The following MAP7 variants were observed in gnomAD, a reference collection of about 807,000 sequenced individuals.
MAP7 encodes the protein ensconsin.
Under a neutral mutation model 94.8 loss-of-function variants are expected in MAP7, and 52 were observed. The observed-to-expected ratio is 0.55, with a 90% CI of 0.44 to 0.69. The LOEUF is 0.69. Among genes scored for constraint, MAP7 ranks in the 30% least tolerant of loss-of-function variants. The pLI is 0.00. For missense variants in MAP7, 940 were observed against 964.6 expected (o/e 0.97, Z 0.34); for synonymous variants, 350 against 357.0 (o/e 0.98, Z 0.22).
At chr6:136,357,553 G>A (rs1049358325) in intron 15 of MAP7, among the ~76,000 whole-genome samples, 2 of 152,082 alleles carry the variant, frequency 1.3e-5, no homozygotes, top group Non-Finnish European at 2.9e-5. Context: ...GCAGTGCAGT[G>A]GTGTGATCAC....
At chr6:136,457,381 T>C (rs1455242124) in intron 1 of MAP7, among the ~76,000 whole-genome samples, 1 of 151,770 alleles carries the variant, frequency 6.6e-6, no homozygotes, top group Non-Finnish European at 1.5e-5. Flanking sequence ...ACTGGTGAAT[T>C]CCACCAAACA....
At position 136,364,149 on chromosome 6, in the gene MAP7, C is replaced by T. The variant is rs915341840; in HGVS notation, c.1274-1447G>A. On this transcript the variant is annotated intron_variant, in intron 10 of 17. Coordinates refer to ENST00000354570, the MANE Select transcript of MAP7 (RefSeq NM_003980.6). ...ACACCATGGCCTCTGTTTCTGAGCT[C>T]GCCTGCATTCTGCATAAGGCTCGGC... 10 of 451,166 alleles carry T rather than the reference C, an allele frequency of 2.2e-5. No homozygotes were observed. In the East Asian group the frequency reaches 2.4e-4, roughly 11 times the overall value. The allele number at this position is 451,166 out of a possible 1,614,324, so 27.9% of individuals were successfully genotyped here. A position where few individuals can be genotyped will look rare whatever the true frequency, so the allele number is the denominator to read the frequency against.
intron 1 of MAP7, chr6:136,525,710 TAGG>T: frequency 9.7e-7 from 1 of 1,035,214 alleles, no homozygotes; most frequent in Middle Eastern, 3.2e-4. Flanking sequence ...CAAACCGTGC[TAGG>T]AGGTCACAAG....
At chr6:136,495,825 G>A (rs1181628370) in intron 1 of MAP7, among the ~76,000 whole-genome samples, 2 of 152,062 alleles carry the variant, frequency 1.3e-5, no homozygotes, top group Non-Finnish European at 2.9e-5. Flanking sequence ...TTATATTACG[G>A]TTATCTTTAA....
intron 6 of MAP7, among the ~76,000 whole-genome samples, chr6:136,381,919 C>CACACACACACACACAGAGAGAG (rs373754692): frequency 4.9e-5 from 5 of 103,036 alleles, no homozygotes; most frequent in African/African-American, 1.9e-4. Context: ...CACACACACA[C>CACACACACACACACAGAGAGAG]AGAGAGAGAG....
rs959689144 is a variant in MAP7 at position 136,466,851 on chromosome 6, C to G, written c.68-45052G>C. Reference sequence around the variant, plus strand: ...GTCTCCCTCTTCTTGCTTTGTGTCCCTCAGCCAGGCAAAGACCAAATATCA... The same window carrying G: ...GTCTCCCTCTTCTTGCTTTGTGTCCGTCAGCCAGGCAAAGACCAAATATCA... On this transcript the variant is annotated intron_variant, in intron 1 of 17. Transcript: ENST00000354570. 7.9e-5 allele frequency: 121 copies of G among 1,532,342 alleles called. 1 individual carries two copies. In the South Asian group the frequency reaches 1.4e-3, roughly 18 times the overall value. The allele number at this position is 1,532,342 out of a possible 1,614,324, so 94.9% of individuals were successfully genotyped here.
intron 1 of MAP7, among the ~76,000 whole-genome samples, chr6:136,467,223 A>G (rs1295726310): frequency 6.6e-6 from 1 of 152,094 alleles, no homozygotes; most frequent in East Asian, 1.9e-4. Context: ...ATTACATACT[A>G]TTTCTCCAGA....
At chr6:136,549,494 A>G (rs1306000237) in intron 1 of MAP7, among the ~76,000 whole-genome samples, 1 of 152,004 alleles carries the variant, frequency 6.6e-6, no homozygotes, top group African/African-American at 2.4e-5. Flanking sequence ...GGGGTTGGGA[A>G]GCCTTGCTGC....
At chr6:136,392,339 G>T (rs914525405) in intron 3 of MAP7, among the ~76,000 whole-genome samples, 2 of 148,638 alleles carry the variant, frequency 1.3e-5, no homozygotes, top group Admixed American at 6.7e-5. Flanking sequence ...TTGGCCTCCC[G>T]AAGTTCTGGG....
At chr6:136,509,767 C>T (rs984370315) in intron 1 of MAP7, among the ~76,000 whole-genome samples, 5 of 152,170 alleles carry the variant, frequency 3.3e-5, no homozygotes, top group Admixed American at 3.3e-4. Context: ...ATGTTGCCCA[C>T]GCTGGTGTTG....
chr6:136,431,840 A>C (rs190883267), intron 1 of MAP7, among the ~76,000 whole-genome samples: 1 of 152,172 alleles, frequency 6.6e-6, no homozygotes, highest in East Asian at 1.9e-4. Context: ...TTCTAACAGA[A>C]CCCTCATTGG....
intron 1 of MAP7, among the ~76,000 whole-genome samples, chr6:136,459,559 A>G (rs1804489914): frequency 6.6e-6 from 1 of 152,136 alleles, no homozygotes; most frequent in Non-Finnish European, 1.5e-5. Context: ...ATACAAGAGA[A>G]TATTATTCAG....
rs147816319 is a variant in MAP7, at chr6:136,399,430, G to A, written c.245-9913C>T. On this transcript the variant is annotated intron_variant, in intron 3 of 17. Coordinates refer to ENST00000354570, the MANE Select transcript of MAP7 (RefSeq NM_003980.6). ...GATAGTAATGGCTCACTGCATCCTC[G>A]ACCTCCCAGTCTCAAGTGATCCTCT... Among the ~76,000 whole-genome samples the A allele has an allele frequency of 8.5e-3, 1,295 of 151,944 alleles. 10 individuals carry two copies. The highest frequency in any genetic ancestry group is 0.013 in the Non-Finnish European group (879 of 67,960).
intron 1 of MAP7, among the ~76,000 whole-genome samples, chr6:136,529,036 T>C (rs1242188978): frequency 2.0e-5 from 3 of 152,214 alleles, no homozygotes; most frequent in Non-Finnish European, 4.4e-5. Context: ...TTTTACATTT[T>C]GATCCAAACC....
Position 136,377,753 on chromosome 6 carries a change from AC to A in MAP7, c.751+1del. The A allele has an allele frequency of 6.2e-7, 1 of 1,612,782 alleles. No individual in the cohort carries two copies. The highest frequency in any genetic ancestry group is 8.5e-7 in the Non-Finnish European group (1 of 1,178,842). ...GGGAAAGTTCCACCTGGACAGTTTTACCTGCTTCTCCAGACAAGGCAGCTGT... is the reference window on the plus strand; with the variant it reads ...GGGAAAGTTCCACCTGGACAGTTTTACTGCTTCTCCAGACAAGGCAGCTGT... On this transcript the variant is annotated splice_donor_variant, in intron 7 of 17. Coordinates refer to ENST00000354570, the MANE Select transcript of MAP7 (RefSeq NM_003980.6). LOFTEE classifies it high-confidence loss of function.
intron 10 of MAP7, among the ~76,000 whole-genome samples, chr6:136,363,671 G>C (rs1793480218): frequency 6.6e-6 from 1 of 152,182 alleles, no homozygotes; most frequent in South Asian, 2.1e-4. Flanking sequence ...ACAGCTCCAG[G>C]TGGTTTTAAA....
chr6:136,409,616 C>T (rs1786776075), intron 3 of MAP7, among the ~76,000 whole-genome samples: 1 of 152,218 alleles, frequency 6.6e-6, no homozygotes, highest in Admixed American at 6.5e-5. Context: ...TTGAAAGGCT[C>T]CTTTCATCCT....
chr6:136,388,656 G>A, intron 4 of MAP7, 146 bp from the exon 5 acceptor site: 1 of 633,782 alleles, frequency 1.6e-6, no homozygotes, highest in Non-Finnish European at 2.8e-6. Flanking sequence ...ACCATAAGGT[G>A]AGACTAGTGT....
intron 2 of MAP7, among the ~76,000 whole-genome samples, chr6:136,412,958 C>T (rs1027539470): frequency 3.3e-5 from 5 of 151,964 alleles, no homozygotes; most frequent in South Asian, 4.2e-4. Context: ...CTGAGGAGTT[C>T]GAGACCAGCC....
Sources: gnomAD v4.1 joint callset for allele counts (sites outside exome capture counted in the v4.1 genomes callset) on GRCh38, gnomAD v4.1.1 for gene constraint, MANE v1.5 for transcripts, NCBI Gene and HGNC (gene_info 2026-07-23, HGNC 2026-07-21) for gene names.